The following PPARGC1A variants were observed in gnomAD, a reference collection of about 807,000 sequenced individuals.
PPARGC1A encodes the protein peroxisome proliferator-activated receptor gamma coactivator 1-alpha.
Under a neutral mutation model 88.7 loss-of-function variants are expected in PPARGC1A, and 25 were observed. The observed-to-expected ratio is 0.28, with a 90% CI of 0.21 to 0.39. PPARGC1A has a LOEUF of 0.39. PPARGC1A is among the 10% of genes least tolerant of loss of function. The probability of loss-of-function intolerance (pLI) is 1.00; values close to 1 mark genes in which losing one functional copy is unlikely to be tolerated. For synonymous variants in PPARGC1A, 363 were observed against 355.6 expected, an observed-to-expected ratio of 1.02 and a Z score of -0.24; for missense variants, 880 against 968.7, an observed-to-expected ratio of 0.91 and a Z score of 1.22.
At chr4:24,179,317 C>T in the PPARGC1A span, among the ~76,000 whole-genome samples, 6 of 152,174 alleles carry the variant, frequency 3.9e-5, no homozygotes, top group Non-Finnish European at 7.4e-5. Flanking sequence ...TCCCTTGCAG[C>T]AAGTCCCCTT....
chr4:24,182,943 AC>A, the PPARGC1A span, among the ~76,000 whole-genome samples: 9 of 152,312 alleles, frequency 5.9e-5, no homozygotes, highest in East Asian at 5.8e-4. Flanking sequence ...GACAGACAGT[AC>A]CTTTGCCCAC....
At chr4:23,925,136 C>A in the PPARGC1A span, among the ~76,000 whole-genome samples, 1 of 152,166 alleles carries the variant, frequency 6.6e-6, no homozygotes. Flanking sequence ...ATTAACTTTT[C>A]TAAAAATCTT....
the PPARGC1A span, among the ~76,000 whole-genome samples, chr4:24,350,570 G>A: frequency 1.3e-5 from 2 of 152,124 alleles, no homozygotes; most frequent in African/African-American, 4.8e-5. Context: ...ATAAAACTGT[G>A]TGACAGAAAG....
intron 2 of PPARGC1A, among the ~76,000 whole-genome samples, chr4:23,839,016 G>A (rs1726556663): frequency 6.6e-6 from 1 of 152,114 alleles, no homozygotes; most frequent in African/African-American, 2.4e-5. Flanking sequence ...TAAGAATCAA[G>A]TGGAAATAAA....
chr4:24,362,433 A>G, the PPARGC1A span, among the ~76,000 whole-genome samples: 1 of 152,080 alleles, frequency 6.6e-6, no homozygotes, highest in Non-Finnish European at 1.5e-5. Context: ...AGGATTAAAG[A>G]AGAAGTAAAT....
At chr4:24,218,928 T>C in the PPARGC1A span, among the ~76,000 whole-genome samples, 2 of 152,248 alleles carry the variant, frequency 1.3e-5, no homozygotes, top group African/African-American at 4.8e-5. Context: ...CCCAATGTCC[T>C]TGATTCTGCT....
chr4:23,853,724 GAC>G (rs1214365245), intron 2 of PPARGC1A, among the ~76,000 whole-genome samples: 2 of 152,164 alleles, frequency 1.3e-5, no homozygotes, highest in Non-Finnish European at 2.9e-5. Context: ...AGGATTATGA[GAC>G]ATTTAGAAAA....
chr4:24,263,516 C>T, the PPARGC1A span, among the ~76,000 whole-genome samples: 1 of 151,598 alleles, frequency 6.6e-6, no homozygotes, highest in African/African-American at 2.4e-5. Context: ...CAGATTTGAA[C>T]TGCATGGATC....
chr4:24,115,437 GA>G, the PPARGC1A span, among the ~76,000 whole-genome samples: 2 of 151,540 alleles, frequency 1.3e-5, no homozygotes, highest in African/African-American at 2.4e-5. Flanking sequence ...CCATGGCTTG[GA>G]AAAAAAACCG....
chr4:24,371,967 A>G, the PPARGC1A span, among the ~76,000 whole-genome samples: 3 of 152,040 alleles, frequency 2.0e-5, no homozygotes, highest in African/African-American at 7.2e-5. Context: ...AAAGAAAAAA[A>G]AAAGTCAGTA....
At chr4:24,391,128 A>C in the PPARGC1A span, among the ~76,000 whole-genome samples, 2 of 152,136 alleles carry the variant, frequency 1.3e-5, no homozygotes, top group African/African-American at 4.8e-5. Flanking sequence ...CTTTTTAAAA[A>C]TATGTTCCTG....
chr4:24,387,813 A>AG, the PPARGC1A span, among the ~76,000 whole-genome samples: 3 of 113,180 alleles, frequency 2.7e-5, no homozygotes, highest in East Asian at 5.4e-4. Context: ...AGAAAGAAAG[A>AG]AAGAAAGAAA....
chr4:24,181,583 A>G, the PPARGC1A span, among the ~76,000 whole-genome samples: 3 of 152,154 alleles, frequency 2.0e-5, no homozygotes, highest in Non-Finnish European at 4.4e-5. Flanking sequence ...CCAGATCCAC[A>G]TGTTTGCCAG....
At chr4:24,287,072 G>A in the PPARGC1A span, among the ~76,000 whole-genome samples, 4 of 152,030 alleles carry the variant, frequency 2.6e-5, no homozygotes, top group Non-Finnish European at 5.9e-5. Flanking sequence ...CTCAACCACG[G>A]TACCACCGAC....
chr4:24,313,735 T>C, the PPARGC1A span, among the ~76,000 whole-genome samples: 4 of 152,348 alleles, frequency 2.6e-5, no homozygotes, highest in East Asian at 1.9e-4. Context: ...GGAACATTTA[T>C]ATTATCTAGT....
At chr4:24,163,168 C>T in the PPARGC1A span, among the ~76,000 whole-genome samples, 1 of 148,836 alleles carries the variant, frequency 6.7e-6, no homozygotes, top group East Asian at 2.0e-4. Context: ...TGATCAACAG[C>T]AATGCCATTT....
the PPARGC1A span, among the ~76,000 whole-genome samples, chr4:23,959,108 A>G: frequency 6.4e-4 from 97 of 152,214 alleles, no homozygotes; most frequent in Middle Eastern, 3.4e-3. Context: ...GGTTCTCTCA[A>G]TAGGAGAGGA....
the PPARGC1A span, among the ~76,000 whole-genome samples, chr4:24,309,584 T>C: frequency 1.3e-5 from 2 of 152,094 alleles, no homozygotes; most frequent in Non-Finnish European, 2.9e-5. Flanking sequence ...AATCTTTTTA[T>C]TTAGTTAGTT....
chr4:24,095,099 T>C, the PPARGC1A span, among the ~76,000 whole-genome samples: 1,385 of 148,646 alleles, frequency 9.3e-3, 6 homozygotes, highest in Non-Finnish European at 0.015. Context: ...ATGTGACCCT[T>C]ATTTAGAAAT....
Sources: allele counts gnomAD v4.1 joint callset (sites outside exome capture counted in the v4.1 genomes callset), GRCh38; gene constraint gnomAD v4.1.1; transcripts MANE v1.5; gene names NCBI Gene and HGNC (gene_info 2026-07-23, HGNC 2026-07-21).